SAMMSON: variants seen among roughly 807,000 people sequenced by gnomAD.
SAMMSON encodes the protein survival associated mitochondrial melanoma specific oncogenic non-coding RNA, also known as long intergenic non-protein coding RNA 1212.
intron 2 of SAMMSON, among the ~76,000 whole-genome samples, chr3:70,416,406 A>T (rs1454270751): frequency 6.6e-6 from 1 of 152,166 alleles, no homozygotes; most frequent in African/African-American, 2.4e-5. Context: ...GCTGGAGTAC[A>T]TCTAGTTACA....
At chr3:70,203,314 T>C (rs917175252) in intron 4 of SAMMSON, among the ~76,000 whole-genome samples, 3 of 152,224 alleles carry the variant, frequency 2.0e-5, no homozygotes, top group Admixed American at 6.5e-5. Context: ...TCCAAAAGTG[T>C]AAAAATCGGT....
intron 4 of SAMMSON, among the ~76,000 whole-genome samples, chr3:70,207,927 C>T (rs1327556267): frequency 6.6e-6 from 1 of 152,012 alleles, no homozygotes; most frequent in Non-Finnish European, 1.5e-5. Flanking sequence ...TGCTCTGCAA[C>T]AAGCGCTGGG....
At chr3:70,296,647 A>G (rs1702291958) in intron 7 of SAMMSON, among the ~76,000 whole-genome samples, 1 of 152,074 alleles carries the variant, frequency 6.6e-6, no homozygotes, top group South Asian at 2.1e-4. Flanking sequence ...CTTTTCTTCC[A>G]TTCCCACAGC....
intron 4 of SAMMSON, among the ~76,000 whole-genome samples, chr3:70,217,513 A>T (rs1008611500): frequency 2.0e-5 from 3 of 152,162 alleles, no homozygotes; most frequent in African/African-American, 4.8e-5. Flanking sequence ...TGAGCTTTCT[A>T]GGTTTTACCA....
intron 4 of SAMMSON, chr3:70,120,481 G>C (rs140243225): frequency 1.3e-5 from 2 of 152,184 alleles, no homozygotes; most frequent in East Asian, 1.9e-4. Context: ...GTTTCTTCTC[G>C]CCATACCATG....
intron 7 of SAMMSON, among the ~76,000 whole-genome samples, chr3:70,341,498 A>G (rs577265400): frequency 2.6e-5 from 4 of 152,146 alleles, no homozygotes; most frequent in Admixed American, 6.6e-5. Context: ...GGATAAAATA[A>G]TCTTCTTCCC....
intron 4 of SAMMSON, among the ~76,000 whole-genome samples, chr3:70,163,695 G>A (rs1173194252): frequency 6.6e-6 from 1 of 151,962 alleles, no homozygotes; most frequent in Non-Finnish European, 1.5e-5. Flanking sequence ...CATGAACACT[G>A]TGTTGGAGCT....
intron 3 of SAMMSON, among the ~76,000 whole-genome samples, chr3:70,041,385 A>AT (rs2107586579): frequency 6.6e-6 from 1 of 152,240 alleles, no homozygotes; most frequent in African/African-American, 2.4e-5. Flanking sequence ...TTAAAATTTA[A>AT]TTATTGCTTT....
At chr3:70,121,535 C>G (rs1053252477) in intron 4 of SAMMSON, among the ~76,000 whole-genome samples, 1 of 152,114 alleles carries the variant, frequency 6.6e-6, no homozygotes, top group African/African-American at 2.4e-5. Flanking sequence ...TCAGAAGAGT[C>G]ATCATGAGAA....
intron 7 of SAMMSON, among the ~76,000 whole-genome samples, chr3:70,321,596 T>A (rs1702539289): frequency 1.3e-5 from 2 of 152,174 alleles, no homozygotes; most frequent in East Asian, 3.9e-4. Context: ...TATTTTCAAA[T>A]TAAAAATTTT....
At chr3:70,390,433 T>C (rs1308857817), downstream of SAMMSON, among the ~76,000 whole-genome samples, 1 of 152,126 alleles carries the variant, frequency 6.6e-6, no homozygotes, top group Non-Finnish European at 1.5e-5. Context: ...AATTGGCTCA[T>C]GGTTCTGCAG....
chr3:70,129,157 A>T (rs1158247036), intron 4 of SAMMSON, among the ~76,000 whole-genome samples: 1 of 152,152 alleles, frequency 6.6e-6, no homozygotes, highest in Admixed American at 6.5e-5. Context: ...TAACATTTTG[A>T]TAAAAGTAAC....
intron 4 of SAMMSON, among the ~76,000 whole-genome samples, chr3:70,108,450 T>G (rs1380934543): frequency 6.9e-6 from 1 of 144,992 alleles, no homozygotes; most frequent in Non-Finnish European, 1.5e-5. Context: ...TTATCATAAC[T>G]CACCTAAGGA....
intron 3 of SAMMSON, among the ~76,000 whole-genome samples, chr3:70,019,463 AGCCTATGTGTGTCTCT>A (rs1268793859): frequency 6.6e-6 from 1 of 151,684 alleles, no homozygotes; most frequent in African/African-American, 2.4e-5. Context: ...CTTTATTTTG[AGCCTATGTGTGTCTCT>A]GCACTTGAGA....
intron 4 of SAMMSON, among the ~76,000 whole-genome samples, chr3:70,115,057 A>G (rs11128161): frequency 0.13 from 19,187 of 152,032 alleles, 1,255 homozygotes; most frequent in East Asian, 0.21. Context: ...ATAACATTGC[A>G]GAATATGCCT....
chr3:70,117,224 A>G (rs1306927822), intron 4 of SAMMSON, among the ~76,000 whole-genome samples: 1 of 152,210 alleles, frequency 6.6e-6, no homozygotes, highest in African/African-American at 2.4e-5. Flanking sequence ...CATTAAAAGT[A>G]ATTTTGTTTT....
chr3:70,268,321 A>C (rs1345150300), intron 6 of SAMMSON, among the ~76,000 whole-genome samples: 1 of 151,984 alleles, frequency 6.6e-6, no homozygotes, highest in Non-Finnish European at 1.5e-5. Context: ...CTAAAATACA[A>C]AAAATTAGCC....
intron 6 of SAMMSON, among the ~76,000 whole-genome samples, chr3:70,290,595 G>A (rs1407996438): frequency 6.6e-6 from 1 of 152,244 alleles, no homozygotes; most frequent in South Asian, 2.1e-4. Context: ...CACCCAGTTC[G>A]AGTTTCCGGG....
chr3:70,302,237 G>C (rs990513522), intron 7 of SAMMSON, among the ~76,000 whole-genome samples: 2 of 152,034 alleles, frequency 1.3e-5, no homozygotes, highest in African/African-American at 4.8e-5. Context: ...CATTTGCTCT[G>C]TTCACATTCC....
Sources: gnomAD v4.1 joint callset for allele counts (sites outside exome capture counted in the v4.1 genomes callset) on GRCh38, gnomAD v4.1.1 for gene constraint, MANE v1.5 for transcripts, NCBI Gene and HGNC (gene_info 2026-07-23, HGNC 2026-07-21) for gene names.